SACS: variants seen among roughly 807,000 people sequenced by gnomAD.
SACS encodes sacsin.
A neutral mutation model predicts 348.0 loss-of-function variants in SACS; 197 were observed. The ratio of observed to expected loss-of-function variants is 0.57; its 90% CI spans 0.50 to 0.64. The LOEUF is 0.64. Ranked by LOEUF, SACS falls within the 30% of genes least tolerant of loss-of-function variation. The probability of loss-of-function intolerance (pLI) is 0.00; values close to 1 mark genes in which losing one functional copy is unlikely to be tolerated. For synonymous variants in SACS, 1,985 were observed against 1,910.6 expected (o/e 1.04, Z -1.02); for missense variants, 4,999 against 5,360.8 (o/e 0.93, Z 2.11).
chr13:23,393,732 C>T (rs1019201616), intron 2 of SACS, among the ~76,000 whole-genome samples: 3 of 152,068 alleles, frequency 2.0e-5, no homozygotes, highest in Admixed American at 6.6e-5. Context: ...TTTGGCCCTA[C>T]CTCAGTATTC....
chr13:23,376,604 C>G (rs1450001563), intron 2 of SACS, among the ~76,000 whole-genome samples: 2 of 152,178 alleles, frequency 1.3e-5, no homozygotes, highest in African/African-American at 4.8e-5. Flanking sequence ...TGTTCTACAG[C>G]TGTTCCATCT....
At chr13:23,432,880 T>C (rs1247010838) in intron 1 of SACS, among the ~76,000 whole-genome samples, 1 of 152,152 alleles carries the variant, frequency 6.6e-6, no homozygotes, top group African/African-American at 2.4e-5. Context: ...GCCAAAACAA[T>C]TGATATGTTT....
At chr13:23,431,173 G>A (rs897044125) in intron 1 of SACS, among the ~76,000 whole-genome samples, 1 of 152,210 alleles carries the variant, frequency 6.6e-6, no homozygotes, top group African/African-American at 2.4e-5. Flanking sequence ...GTAAACTGAG[G>A]CTACCCCAAA....
chr13:23,392,144 T>C (rs1872551113), intron 2 of SACS, among the ~76,000 whole-genome samples: 1 of 152,184 alleles, frequency 6.6e-6, no homozygotes, highest in Non-Finnish European at 1.5e-5. Flanking sequence ...GGCATCCTGT[T>C]GCCTTTTGAT....
intron 2 of SACS, among the ~76,000 whole-genome samples, chr13:23,390,895 G>A (rs968473592): frequency 6.6e-6 from 1 of 152,162 alleles, no homozygotes; most frequent in African/African-American, 2.4e-5. Context: ...GCTCGCTCTG[G>A]TGCTGCACAC....
intron 9 of SACS, among the ~76,000 whole-genome samples, chr13:23,345,418 T>C (rs1169564988): frequency 1.3e-5 from 2 of 152,206 alleles, no homozygotes; most frequent in African/African-American, 4.8e-5. Flanking sequence ...GGGCCCAGCA[T>C]AAAAGTCCAG....
At position 23,336,134 on chromosome 13, in the gene SACS, G is replaced by A. The variant is rs866333277; in HGVS notation, c.7742C>T (p.Ala2581Val). ...PVDRIFDDKWAPLQGPALCVY... is the reference protein window; with the variant it reads ...PVDRIFDDKWVPLQGPALCVY... The stretch of plus-strand genomic sequence containing the variant: ...ACAAAGTGCTGGCCCTTGCAATGGG[G>A]CCCACTTATCATCAAATATTCTATC... The change falls in exon 10 of 10, where the codon GCC (alanine) becomes GTC (valine). Residue 2581 changes from alanine to valine, a missense_variant. By Grantham distance (64) the Ala-to-Val change is moderately conservative (BLOSUM62 0). Coordinates refer to ENST00000382292, the MANE Select transcript of SACS (RefSeq NM_014363.6). 2 of 1,613,072 alleles carry A rather than the reference G, an allele frequency of 1.2e-6. No homozygotes were observed. Among genetic ancestry groups the A allele is most frequent in the African/African-American group, 2.7e-5 (2 of 74,872 alleles).
intron 8 of SACS, among the ~76,000 whole-genome samples, 155 bp downstream of exon 8, chr13:23,354,364 T>A (rs1225330576): frequency 6.6e-6 from 1 of 152,206 alleles, no homozygotes; most frequent in African/African-American, 2.4e-5. Context: ...ATAAAATGTA[T>A]CCTTTGGTAT....
intron 7 of SACS, among the ~76,000 whole-genome samples, chr13:23,357,486 C>T (rs1870468008): frequency 6.6e-6 from 1 of 152,206 alleles, no homozygotes; most frequent in South Asian, 2.1e-4. Flanking sequence ...AGTCCCAATT[C>T]AGGCCAGTAG....
intron 6 of SACS, among the ~76,000 whole-genome samples, chr13:23,364,593 C>T (rs576684294): frequency 6.6e-6 from 1 of 152,300 alleles, no homozygotes; most frequent in Non-Finnish European, 1.5e-5. Flanking sequence ...AGGTATACTA[C>T]AATTTATGAA....
At chr13:23,368,381 T>A in intron 5 of SACS, 21 bp downstream of exon 5, 2 of 1,549,570 alleles carry the variant, frequency 1.3e-6, no homozygotes, top group Middle Eastern at 1.7e-4. Flanking sequence ...AAATAACACA[T>A]GAACACGACA....
chr13:23,342,816 A>G (rs1435832014), intron 9 of SACS, among the ~76,000 whole-genome samples: 1 of 152,218 alleles, frequency 6.6e-6, no homozygotes, highest in East Asian at 1.9e-4. Context: ...TGAGACTTAC[A>G]TGGTTTCCTT....
Position 23,337,582 on chromosome 13 carries a change from A to AAT in SACS, c.6292_6293dup (p.Pro2099PhefsTer16). 6.2e-7 allele frequency: 1 copy of AAT among 1,614,016 alleles called. No homozygotes were observed. The highest frequency in any genetic ancestry group is 8.5e-7 in the Non-Finnish European group (1 of 1,179,936). Reference sequence around the variant, plus strand: ...AAGGATGCCCCTCCAAGGAACAAGGAATACATGGAGTAACACGAAGAACTC... The same window carrying AAT: ...AAGGATGCCCCTCCAAGGAACAAGGAATATACATGGAGTAACACGAAGAACTC... On this transcript the variant is annotated frameshift_variant, in exon 10 of 10. Coordinates refer to ENST00000382292, the MANE Select transcript of SACS (RefSeq NM_014363.6). LOFTEE classifies it high-confidence loss of function.
intron 1 of SACS, among the ~76,000 whole-genome samples, chr13:23,415,719 A>G (rs1007487993): frequency 6.6e-6 from 1 of 152,212 alleles, no homozygotes; most frequent in Non-Finnish European, 1.5e-5. Context: ...TAATTAAATA[A>G]ATGTATTATG....
chr13:23,333,686 T>C lies in SACS; in HGVS notation c.10190A>G (p.His3397Arg), dbSNP rs771240687. Reference protein sequence around the residue: ...LLMYFNCNLNHLMSQDDIKIL... With the variant: ...LLMYFNCNLNRLMSQDDIKIL... ...TTTTATATCATCTTGGGACATCAAA[T>C]GATTCAAATTGCAGTTGAAATACAT... Residue 3397 changes from histidine (H) to arginine (R), a missense_variant, in exon 10 of 10, where the codon CAT becomes CGT. Physicochemically the swap from His to Arg is conservative, Grantham distance 29 (BLOSUM62 0). Transcript: ENST00000382292. 9.9e-6 allele frequency: 16 copies of C among 1,613,804 alleles called. No homozygotes were observed. Among genetic ancestry groups the C allele is most frequent in the Non-Finnish European group, 1.3e-5 (15 of 1,179,748 alleles).
Position 23,331,508 on chromosome 13 carries a change from A to C in SACS, c.12368T>G (p.Met4123Arg). 6.2e-7 allele frequency: 1 copy of C among 1,613,952 alleles called. No homozygotes were observed. Among genetic ancestry groups the C allele is most frequent in the Non-Finnish European group, 8.5e-7 (1 of 1,179,862 alleles). Residue 4123 changes from methionine to arginine, a missense_variant, in exon 10 of 10, where the codon ATG becomes AGG. Physicochemically the swap from Met to Arg is moderately conservative, Grantham distance 91. Around this residue, in one of 6 missense-constraint regions of SACS, gnomAD observed 831 missense variants for 941.8 expected, o/e 0.88. Transcript: ENST00000382292. The part of the protein sequence containing the change: ...LISDTSYLIA[M>R]LGCNDIYRIG... ...CCTGTAAATATCATTGCATCCTAGC[A>C]TAGCAATTAAATATGAAGTGTCAGA...
chr13:23,378,196 A>C (rs1871892875), intron 2 of SACS, among the ~76,000 whole-genome samples: 1 of 152,114 alleles, frequency 6.6e-6, no homozygotes, highest in Non-Finnish European at 1.5e-5. Flanking sequence ...TTTTAATGAG[A>C]GTTTGTTGTT....
intron 2 of SACS, among the ~76,000 whole-genome samples, chr13:23,389,107 C>T (rs926528556): frequency 3.3e-5 from 5 of 151,980 alleles, no homozygotes; most frequent in Non-Finnish European, 7.4e-5. Flanking sequence ...TTACCAAAGA[C>T]ACACCCATCT....
At chr13:23,368,580 T>C in intron 4 of SACS, 93 bp from the exon 5 acceptor site, 1 of 873,436 alleles carries the variant, frequency 1.1e-6, no homozygotes, top group Admixed American at 2.0e-5. Flanking sequence ...CATATAACTA[T>C]ACAAGTTATG....
Sources: gnomAD v4.1 joint callset for allele counts (sites outside exome capture counted in the v4.1 genomes callset) on GRCh38, gnomAD v4.1.1 for gene constraint, gnomAD v4.1.1 regional missense constraint, MANE v1.5 for transcripts, NCBI Gene and HGNC (gene_info 2026-07-23, HGNC 2026-07-21) for gene names.